TMX2: variants seen among roughly 807,000 people sequenced by gnomAD.
TMX2 encodes thioredoxin related transmembrane protein 2, also known as thioredoxin-related transmembrane protein 2.
TMX2 carries 20 observed loss-of-function variants against 33.4 expected under a neutral mutation model. The ratio of observed to expected loss-of-function variants is 0.60; its 90% CI spans 0.42 to 0.87. The LOEUF is 0.87. Among genes scored for constraint, TMX2 ranks in the 40% least tolerant of loss-of-function variants. The probability of loss-of-function intolerance (pLI) is 0.00; values close to 1 mark genes in which losing one functional copy is unlikely to be tolerated. For synonymous variants in TMX2, 166 were observed against 140.7 expected (o/e 1.18, Z -1.27); for missense variants, 340 against 370.7 (o/e 0.92, Z 0.68).
intron 1 of TMX2, among the ~76,000 whole-genome samples, chr11:57,735,354 G>A (rs868383018): frequency 2.0e-5 from 3 of 151,750 alleles, no homozygotes; most frequent in Non-Finnish European, 2.9e-5. Flanking sequence ...GATTACAGGC[G>A]TATGCCACCG....
At chr11:57,737,374 G>A (rs1452448351) in intron 1 of TMX2, among the ~76,000 whole-genome samples, 1 of 152,176 alleles carries the variant, frequency 6.6e-6, no homozygotes, top group Non-Finnish European at 1.5e-5. Flanking sequence ...GGCAACAAGA[G>A]TGAAACTCTG....
At chr11:57,718,424 C>G (rs142152152) in intron 1 of TMX2, 1 of 1,282,304 alleles carries the variant, frequency 7.8e-7, no homozygotes, top group Non-Finnish European at 1.1e-6. Context: ...GCTCAGAGCA[C>G]GAAAGTTTTC....
chr11:57,739,284 C>G (rs778005648), intron 7 of TMX2, 24 bp downstream of exon 7: 1 of 1,613,764 alleles, frequency 6.2e-7, no homozygotes, highest in South Asian at 1.1e-5. Flanking sequence ...AGGGCAGGTG[C>G]ATGAAGGGTG....
In TMX2 at chr11:57,729,450, A is replaced by G. The variant is rs529284157; in HGVS notation, c.190-8158A>G. 1.8e-4 allele frequency among the ~76,000 whole-genome samples: 27 copies of G among 152,174 alleles called. No individual in the cohort carries two copies. In the South Asian group the frequency reaches 5.6e-3, roughly 32 times the overall value. ...TGGCAAAAGTATTGAATTAATAGCTATGGGAACTGTGTGTGTGTGTATTTA... is the reference window on the plus strand; with the variant it reads ...TGGCAAAAGTATTGAATTAATAGCTGTGGGAACTGTGTGTGTGTGTATTTA... On this transcript the variant is annotated intron_variant, in intron 1 of 7. Coordinates refer to ENST00000278422, the MANE Select transcript of TMX2 (RefSeq NM_015959.4).
At chr11:57,738,614 C>G (rs367976242) in intron 4 of TMX2, 50 bp from the exon 5 acceptor site, 5 of 1,519,116 alleles carry the variant, frequency 3.3e-6, no homozygotes, top group Non-Finnish European at 4.6e-6. Context: ...TCTGAACCTT[C>G]CCAGGAGGCT....
rs142462345 is a variant in TMX2 at position 57,720,503 on chromosome 11, C to T, written c.189+7696C>T. ...CTGCAACCTCTGCCTCCAGATTAAG[C>T]GATTCTCATACCTCAACCTCCTGAG... On this transcript the variant is annotated intron_variant, in intron 1 of 7. Transcript: ENST00000278422. 2.0e-3 allele frequency among the ~76,000 whole-genome samples: 309 copies of T among 152,320 alleles called. 1 individual carries two copies. Among genetic ancestry groups the T allele is most frequent in the African/African-American group, 7.2e-3 (298 of 41,570 alleles).
chr11:57,728,824 G>A (rs532442305), intron 1 of TMX2, among the ~76,000 whole-genome samples: 1 of 152,212 alleles, frequency 6.6e-6, no homozygotes, highest in East Asian at 1.9e-4. Flanking sequence ...CTTTGTGGGA[G>A]TGTCCAGGGG....
chr11:57,728,354 G>A (rs1948137304), intron 1 of TMX2, among the ~76,000 whole-genome samples: 1 of 152,122 alleles, frequency 6.6e-6, no homozygotes, highest in African/African-American at 2.4e-5. Context: ...AGTAGAGATG[G>A]GGTTTCACTG....
chr11:57,718,232 T>C (rs1947310297), intron 1 of TMX2: 2 of 1,468,738 alleles, frequency 1.4e-6, no homozygotes, highest in Non-Finnish European at 1.9e-6. Flanking sequence ...GTCCAGCAAT[T>C]GCCATGGACA....
intron 1 of TMX2, chr11:57,718,423 A>C: frequency 7.7e-7 from 1 of 1,299,440 alleles, no homozygotes; most frequent in African/African-American, 1.5e-5. Context: ...TGCTCAGAGC[A>C]CGAAAGTTTT....
chr11:57,732,757 G>A (rs969383390), intron 1 of TMX2, among the ~76,000 whole-genome samples: 11 of 152,016 alleles, frequency 7.2e-5, no homozygotes, highest in African/African-American at 2.7e-4. Context: ...GGTTTTTATG[G>A]AACTTCATTA....
chr11:57,720,511 A>T (rs887536080), intron 1 of TMX2, among the ~76,000 whole-genome samples: 1 of 152,176 alleles, frequency 6.6e-6, no homozygotes, highest in African/African-American at 2.4e-5. Flanking sequence ...AGCGATTCTC[A>T]TACCTCAACC....
rs1358332463 is a variant in TMX2 at position 57,738,029 on chromosome 11, G to GA, written c.364+4dup. The GA allele has an allele frequency of 2.5e-6, 4 of 1,573,238 alleles. No homozygotes were observed. On this transcript the variant is annotated splice_donor_region_variant and intron_variant, in intron 3 of 7. Transcript: ENST00000278422. ...ACTTTACATCACACTCTGCATAGGT[G>GA]AGGAGACTGCCTTTCTTTCTTTTTT...
chr11:57,731,727 A>G (rs1330064311), intron 1 of TMX2, among the ~76,000 whole-genome samples: 1 of 152,140 alleles, frequency 6.6e-6, no homozygotes, highest in Non-Finnish European at 1.5e-5. Flanking sequence ...TCACAAGTCG[A>G]GCTTCCAAGG....
intron 1 of TMX2, among the ~76,000 whole-genome samples, chr11:57,724,611 T>TAA (rs373663466): frequency 1.5e-5 from 2 of 133,566 alleles, no homozygotes. Context: ...GTCTGGGGAT[T>TAA]AAAAAAAAAA....
chr11:57,735,836 G>A (rs1372834475), intron 1 of TMX2, among the ~76,000 whole-genome samples: 1 of 152,216 alleles, frequency 6.6e-6, no homozygotes, highest in Non-Finnish European at 1.5e-5. Context: ...AGAGGACACA[G>A]AAACTATGCA....
intron 5 of TMX2, 100 bp downstream of exon 5, chr11:57,738,870 A>T: frequency 6.5e-7 from 1 of 1,531,678 alleles, no homozygotes; most frequent in Non-Finnish European, 9.0e-7. Context: ...ATTTTCACAC[A>T]TGGTAACCAA....
intron 1 of TMX2, 87 bp from the exon 2 acceptor site, chr11:57,737,521 G>T: frequency 9.0e-7 from 1 of 1,106,102 alleles, no homozygotes; most frequent in Non-Finnish European, 1.4e-6. Flanking sequence ...GATCGCTATT[G>T]GTTTTTATTA....
intron 1 of TMX2, among the ~76,000 whole-genome samples, chr11:57,726,001 A>C (rs999154195): frequency 7.2e-5 from 11 of 152,174 alleles, no homozygotes; most frequent in Admixed American, 5.9e-4. Context: ...ACAGATACAG[A>C]TATGTATATA....
Sources: allele counts gnomAD v4.1 joint callset (sites outside exome capture counted in the v4.1 genomes callset), GRCh38; gene constraint gnomAD v4.1.1; transcripts MANE v1.5; gene names NCBI Gene and HGNC (gene_info 2026-07-23, HGNC 2026-07-21).